Variants in WSB2 observed in about 807,000 individuals in gnomAD.
WSB2 encodes WD repeat and SOCS box containing 2.
WSB2 carries 12 observed loss-of-function variants against 48.8 expected under a neutral mutation model. That is an observed-to-expected ratio of 0.25 (90% CI 0.16 to 0.40). The LOEUF (loss-of-function observed/expected upper bound fraction) is 0.40. Among genes scored for constraint, WSB2 ranks in the 10% least tolerant of loss-of-function variants. WSB2 has a pLI of 1.00. For synonymous variants in WSB2, 191 were observed against 203.1 expected (o/e 0.94, Z 0.51); for missense variants, 317 against 506.2 (o/e 0.63, Z 3.59).
chr12:118,034,886 C>T lies in WSB2; in HGVS notation c.1052+100G>A, dbSNP rs988374224. Reference sequence around the variant, plus strand: ...AATCTTGAATTGCCTTAAAGCTTTCCTCATAGGCAAGAAAATTCTAGATGG... The same window carrying T: ...AATCTTGAATTGCCTTAAAGCTTTCTTCATAGGCAAGAAAATTCTAGATGG... On this transcript the variant is annotated intron_variant, in intron 8 of 8. Transcript: ENST00000315436. 6.8e-6 allele frequency: 8 copies of T among 1,171,294 alleles called. No individual in the cohort carries two copies. In the African/African-American group the frequency reaches 9.3e-5, roughly 14 times the overall value. 72.6% of individuals were successfully genotyped at this position (1,171,294 alleles called of 1,614,324 possible). A position where few individuals can be genotyped will look rare whatever the true frequency, so the allele number is the denominator to read the frequency against.
chr12:118,040,470 G>C (rs1257408025), intron 4 of WSB2, among the ~76,000 whole-genome samples: 1 of 152,018 alleles, frequency 6.6e-6, no homozygotes, highest in Middle Eastern at 3.2e-3. Context: ...CATTTAAAAA[G>C]GCACTGCCAG....
At chr12:118,046,291 T>C (rs1435888133) in intron 2 of WSB2, among the ~76,000 whole-genome samples, 4 of 151,684 alleles carry the variant, frequency 2.6e-5, no homozygotes, top group Non-Finnish European at 4.4e-5. Context: ...TGATACCCCA[T>C]CTCTACTAAA....
chr12:118,038,133 T>C, intron 5 of WSB2, 155 bp downstream of exon 5: 1 of 588,528 alleles, frequency 1.7e-6, no homozygotes, highest in Non-Finnish European at 2.8e-6. Flanking sequence ...AAAGTGCAAG[T>C]CACAAGGGAC....
At chr12:118,043,822 A>C (rs778613501) in intron 2 of WSB2, among the ~76,000 whole-genome samples, 22 of 151,626 alleles carry the variant, frequency 1.5e-4, no homozygotes, top group Non-Finnish European at 3.1e-4. Context: ...GTTTCTTTTT[A>C]AGAGTTGATG....
rs561709106 is a variant in WSB2, at chr12:118,050,765, T to C, written c.182+1545A>G. On this transcript the variant is annotated intron_variant, in intron 2 of 8. Coordinates refer to ENST00000315436, the MANE Select transcript of WSB2 (RefSeq NM_018639.5). The stretch of plus-strand genomic sequence containing the variant: ...AAGGACCAGTAAGCACCTGAAAAGA[T>C]GCTCGGCCAGGTGTGGTGGCTCACA... Among the ~76,000 whole-genome samples, 6 of 152,088 alleles carry C rather than the reference T, an allele frequency of 3.9e-5. No individual in the cohort carries two copies. The East Asian group carries it at 1.2e-3, about 30-fold the overall frequency.
chr12:118,044,789 T>C (rs989331918), intron 2 of WSB2, among the ~76,000 whole-genome samples: 1 of 152,132 alleles, frequency 6.6e-6, no homozygotes, highest in Non-Finnish European at 1.5e-5. Flanking sequence ...AGCTTACTGT[T>C]TGCGGTACAC....
At position 118,042,907 on chromosome 12, in the gene WSB2, C is replaced by T; in HGVS notation, c.493G>A (p.Gly165Ser). The T allele has an allele frequency of 3.7e-6, 6 of 1,614,170 alleles. No homozygotes were observed. Among genetic ancestry groups the T allele is most frequent in the Non-Finnish European group, 5.1e-6 (6 of 1,180,038 alleles). Residue 165 changes from glycine to serine, a missense_variant, in exon 4 of 9, where the codon GGC becomes AGC. Transcript: ENST00000315436. ...GACGCGGAGACCAAAATCAAACTGC[C>T]ACTGGGTGTGAAGCTCAGATCTCTC... ...VVRDLSFTPS[G>S]SLILVSASRD...
At chr12:118,052,183 A>C in intron 2 of WSB2, 127 bp downstream of exon 2, 2 of 1,305,890 alleles carry the variant, frequency 1.5e-6, no homozygotes, top group Non-Finnish European at 2.1e-6. Context: ...GGCTCTGGAA[A>C]CCCCCATGAT....
chr12:118,059,636 A>G (rs2032025662), intron 1 of WSB2, among the ~76,000 whole-genome samples: 1 of 152,218 alleles, frequency 6.6e-6, no homozygotes, highest in South Asian at 2.1e-4. Flanking sequence ...CAGAACTGGA[A>G]ACAGATTTCT....
chr12:118,039,010 C>A (rs1325569196), intron 4 of WSB2, among the ~76,000 whole-genome samples: 4 of 152,114 alleles, frequency 2.6e-5, no homozygotes, highest in African/African-American at 9.7e-5. Flanking sequence ...AGAGAATGTT[C>A]TTTTTAGGCT....
chr12:118,034,709 C>G (rs951197986), intron 8 of WSB2: 4 of 519,582 alleles, frequency 7.7e-6, no homozygotes, highest in Non-Finnish European at 1.4e-5. Context: ...TAAATGGTTT[C>G]CCATATATTA....
At position 118,053,179 on chromosome 12, in the gene WSB2, A is replaced by C. The variant is rs575792544; in HGVS notation, c.14-701T>G. Reference sequence around the variant, plus strand: ...CATTAGAAAGCTCCCGCCTGCCTACATCATAAAGGCAACTGAGACCAGGAC... The same window carrying C: ...CATTAGAAAGCTCCCGCCTGCCTACCTCATAAAGGCAACTGAGACCAGGAC... On this transcript the variant is annotated intron_variant, in intron 1 of 8. Coordinates refer to ENST00000315436, the MANE Select transcript of WSB2 (RefSeq NM_018639.5). Among the ~76,000 whole-genome samples, 3 of 152,214 alleles carry C rather than the reference A, an allele frequency of 2.0e-5. No individual in the cohort carries two copies. In the East Asian group the frequency reaches 5.8e-4, roughly 29 times the overall value.
At chr12:118,038,075 G>T in intron 5 of WSB2, 2 of 429,364 alleles carry the variant, frequency 4.7e-6, no homozygotes, top group East Asian at 7.1e-5. Flanking sequence ...GCCCTCTGAT[G>T]ACAGGAGCAA....
intron 2 of WSB2, among the ~76,000 whole-genome samples, chr12:118,047,329 G>A (rs1210578440): frequency 6.6e-6 from 1 of 152,168 alleles, no homozygotes; most frequent in African/African-American, 2.4e-5. Context: ...TGAGTTACGT[G>A]AAAAGCAGGG....
At chr12:118,052,825 T>C (rs2031880507) in intron 1 of WSB2, among the ~76,000 whole-genome samples, 1 of 152,032 alleles carries the variant, frequency 6.6e-6, no homozygotes, top group African/African-American at 2.4e-5. Context: ...GGGGCCAAAA[T>C]AGCAAGGCCT....
Position 118,036,455 on chromosome 12 carries a change from T to C in WSB2, c.716A>G (p.Gln239Arg). ...YTLIRKLEGH[Q>R]SSVVSCDFSP... ...GAAGTCACAAGAGACAACACTGCTT[T>C]GATGGCCCTCTAGCTTCCGAATTAA... Residue 239 changes from glutamine (Q) to arginine (R), a missense_variant, in exon 6 of 9, where the codon CAA becomes CGA. By Grantham distance (43) the Gln-to-Arg change is conservative (BLOSUM62 1). Transcript: ENST00000315436. The C allele has an allele frequency of 6.2e-7, 1 of 1,614,154 alleles. No individual in the cohort carries two copies. The highest frequency in any genetic ancestry group is 8.5e-7 in the Non-Finnish European group (1 of 1,180,008).
At chr12:118,052,213 C>A in intron 2 of WSB2, 97 bp downstream of exon 2, 1 of 1,477,392 alleles carries the variant, frequency 6.8e-7, no homozygotes, top group East Asian at 2.4e-5. Flanking sequence ...AACCATGAGC[C>A]ACCTTCCCTC....
At chr12:118,054,227 A>C (rs1039929952) in intron 1 of WSB2, among the ~76,000 whole-genome samples, 6 of 149,368 alleles carry the variant, frequency 4.0e-5, no homozygotes, top group East Asian at 3.9e-4. Context: ...CAAAAAAAAA[A>C]AAAAAAAAAA....
intron 5 of WSB2, 23 bp from the exon 6 acceptor site, chr12:118,036,533 G>A (rs1889409216): frequency 6.3e-7 from 1 of 1,596,634 alleles, no homozygotes; most frequent in East Asian, 2.2e-5. Flanking sequence ...AGAAGTGCCT[G>A]GTTAGGGCAG....
Sources: allele counts gnomAD v4.1 joint callset (sites outside exome capture counted in the v4.1 genomes callset), GRCh38; gene constraint gnomAD v4.1.1; transcripts MANE v1.5; gene names NCBI Gene and HGNC (gene_info 2026-07-23, HGNC 2026-07-21).